The following VRK2 variants were observed in gnomAD, a reference collection of about 807,000 sequenced individuals.
VRK2 encodes serine/threonine-protein kinase VRK2.
In VRK2, 60 loss-of-function variants were observed where a neutral mutation model predicts 57.6. That is an observed-to-expected ratio of 1.04 (90% CI 0.85 to 1.29). The LOEUF is 1.29. VRK2 is among the 50% of genes most tolerant of loss of function. VRK2 has a pLI of 0.00. For missense variants in VRK2, 705 were observed against 588.1 expected, an observed-to-expected ratio of 1.20 and a Z score of -2.06; for synonymous variants, 231 against 199.2, an observed-to-expected ratio of 1.16 and a Z score of -1.35.
At position 58,084,153 on chromosome 2, in the gene VRK2, T is replaced by G. The variant is rs1671288328; in HGVS notation, c.186+15T>G. ...TAGTAAAAGTGGTAAGTGTTGCTCA[T>G]AGATTTGTATTTCACATATATTTGA... On this transcript the variant is annotated intron_variant, in intron 3 of 12. Coordinates refer to ENST00000340157, the MANE Select transcript of VRK2 (RefSeq NM_006296.7). 9 of 1,594,554 alleles carry G rather than the reference T, an allele frequency of 5.6e-6. No homozygotes were observed. The highest frequency in any genetic ancestry group is 6.8e-6 in the Non-Finnish European group (8 of 1,168,540).
intron 12 of VRK2, among the ~76,000 whole-genome samples, chr2:58,153,484 T>C (rs1410042125): frequency 6.6e-6 from 1 of 152,130 alleles, no homozygotes; most frequent in African/African-American, 2.4e-5. Flanking sequence ...GTGATTTTTC[T>C]TCTTTAGACT....
At chr2:58,128,441 C>T (rs539854087) in intron 8 of VRK2, among the ~76,000 whole-genome samples, 263 of 152,236 alleles carry the variant, frequency 1.7e-3, no homozygotes, top group Non-Finnish European at 2.7e-3. Context: ...AAGCAATTCT[C>T]CTGCCTCTGC....
At chr2:58,136,021 G>C (rs1049861339) in intron 10 of VRK2, among the ~76,000 whole-genome samples, 1 of 152,116 alleles carries the variant, frequency 6.6e-6, no homozygotes, top group Non-Finnish European at 1.5e-5. Flanking sequence ...AAGTAGATAT[G>C]TACACTGACC....
chr2:57,997,900 GAA>G (rs11337756), intron 1 of VRK2, among the ~76,000 whole-genome samples: 2 of 146,046 alleles, frequency 1.4e-5, no homozygotes, highest in African/African-American at 2.5e-5. Flanking sequence ...CACTCAAAAA[GAA>G]AAAAAAAAGA....
At chr2:58,140,381 A>C (rs1024045600) in intron 11 of VRK2, among the ~76,000 whole-genome samples, 1 of 152,042 alleles carries the variant, frequency 6.6e-6, no homozygotes, top group African/African-American at 2.4e-5. Context: ...ACCAACTTAA[A>C]AAAAAAATTA....
In VRK2 at chr2:58,099,279, G is replaced by A. The variant is rs368400168; in HGVS notation, c.543+9556G>A. ...AGAGACATATTCTTTTCATGCAACA[G>A]TTTATATGAAGCCTTTCTTAATGAT... On this transcript the variant is annotated intron_variant, in intron 7 of 12. Transcript: ENST00000340157. Among the ~76,000 whole-genome samples, 49 of 152,110 alleles carry A rather than the reference G, an allele frequency of 3.2e-4. No homozygotes were observed. The South Asian group carries it at 9.6e-3, about 30-fold the overall frequency.
chr2:57,937,039 T>A (rs1670936183), intron 1 of VRK2, among the ~76,000 whole-genome samples: 1 of 152,228 alleles, frequency 6.6e-6, no homozygotes, highest in South Asian at 2.1e-4. Flanking sequence ...GTTGTTCTTT[T>A]GTGATAATAC....
intron 12 of VRK2, among the ~76,000 whole-genome samples, chr2:58,151,528 T>C (rs912307483): frequency 6.6e-6 from 1 of 151,578 alleles, no homozygotes; most frequent in Non-Finnish European, 1.5e-5. Context: ...TGGCAAACAC[T>C]ATCTTTTATT....
intron 1 of VRK2, among the ~76,000 whole-genome samples, chr2:57,909,844 C>A (rs1241307876): frequency 1.3e-5 from 2 of 151,958 alleles, no homozygotes; most frequent in African/African-American, 2.4e-5. Flanking sequence ...AATTATTGAC[C>A]TGCTGAACAG....
At chr2:58,141,866 T>C (rs189563209) in intron 11 of VRK2, among the ~76,000 whole-genome samples, 1 of 152,096 alleles carries the variant, frequency 6.6e-6, no homozygotes, top group Non-Finnish European at 1.5e-5. Flanking sequence ...ATTGCTTCCA[T>C]AACAAAAATC....
At chr2:58,077,396 G>A (rs1558603641) in intron 2 of VRK2, among the ~76,000 whole-genome samples, 1 of 151,876 alleles carries the variant, frequency 6.6e-6, no homozygotes, top group Non-Finnish European at 1.5e-5. Flanking sequence ...CTAATTGATT[G>A]ACCAGTCTTA....
chr2:58,109,315 A>G (rs562439812), intron 7 of VRK2, among the ~76,000 whole-genome samples: 1 of 152,206 alleles, frequency 6.6e-6, no homozygotes, highest in African/African-American at 2.4e-5. Context: ...GCATAAATTT[A>G]AAAAAGCTAA....
chr2:58,021,794 C>T (rs1392909216), intron 1 of VRK2, among the ~76,000 whole-genome samples: 2 of 152,160 alleles, frequency 1.3e-5, no homozygotes, highest in East Asian at 3.8e-4. Context: ...AAACCTACAT[C>T]TTCATTCCAT....
chr2:57,976,126 G>A (rs1269334501), intron 1 of VRK2, among the ~76,000 whole-genome samples: 1 of 152,062 alleles, frequency 6.6e-6, no homozygotes, highest in Admixed American at 6.6e-5. Context: ...AGTATTCCAT[G>A]GTGTATATGT....
intron 2 of VRK2, among the ~76,000 whole-genome samples, chr2:58,069,737 T>C (rs1449002634): frequency 6.6e-6 from 1 of 151,860 alleles, no homozygotes; most frequent in African/African-American, 2.4e-5. Context: ...AGGTGAAAAA[T>C]AGGAAAAAAG....
At chr2:57,923,943 A>G (rs986953240) in intron 1 of VRK2, among the ~76,000 whole-genome samples, 2 of 151,886 alleles carry the variant, frequency 1.3e-5, no homozygotes, top group African/African-American at 4.8e-5. Context: ...ATGCGTATGG[A>G]TATCCAGTTT....
intron 12 of VRK2, among the ~76,000 whole-genome samples, chr2:58,147,675 C>G (rs886973378): frequency 6.6e-6 from 1 of 151,846 alleles, no homozygotes; most frequent in Non-Finnish European, 1.5e-5. Flanking sequence ...AGTCAGTCCT[C>G]TTCCCCCAGG....
At chr2:57,994,585 A>T (rs1672868843) in intron 1 of VRK2, among the ~76,000 whole-genome samples, 1 of 152,198 alleles carries the variant, frequency 6.6e-6, no homozygotes, top group Non-Finnish European at 1.5e-5. Context: ...GAATATGGCA[A>T]ATACTTCAGG....
chr2:58,056,306 C>T (rs1471031467), intron 2 of VRK2, among the ~76,000 whole-genome samples: 1 of 152,110 alleles, frequency 6.6e-6, no homozygotes, highest in Non-Finnish European at 1.5e-5. Flanking sequence ...GTATTCAAAA[C>T]ATATAACTGC....
Sources: gnomAD v4.1 joint callset for allele counts (sites outside exome capture counted in the v4.1 genomes callset) on GRCh38, gnomAD v4.1.1 for gene constraint, MANE v1.5 for transcripts, NCBI Gene and HGNC (gene_info 2026-07-23, HGNC 2026-07-21) for gene names.